The following ZFYVE16 variants were observed in gnomAD, a reference collection of about 807,000 sequenced individuals.
The protein encoded by ZFYVE16 is zinc finger FYVE-type containing 16.
ZFYVE16 carries 89 observed loss-of-function variants against 138.1 expected under a neutral mutation model. That is an observed-to-expected ratio of 0.64 (90% CI 0.54 to 0.77). The LOEUF is 0.77. ZFYVE16 is among the 30% of genes least tolerant of loss of function. The probability of loss-of-function intolerance (pLI) is 0.00; values close to 1 mark genes in which losing one functional copy is unlikely to be tolerated. For missense variants in ZFYVE16, 1,793 were observed against 1,786.7 expected (o/e 1.00, Z -0.06); for synonymous variants, 596 against 618.3 (o/e 0.96, Z 0.53).
At chr5:80,462,967 A>T (rs1379126434) in intron 15 of ZFYVE16, among the ~76,000 whole-genome samples, 1 of 152,234 alleles carries the variant, frequency 6.6e-6, no homozygotes, top group Non-Finnish European at 1.5e-5. Context: ...GTGGGCTTCT[A>T]CAGCCATGGG....
chr5:80,440,381 T>G, intron 5 of ZFYVE16: 1 of 998,530 alleles, frequency 1.0e-6, no homozygotes, highest in Non-Finnish European at 1.2e-6. Flanking sequence ...TACCTACCAA[T>G]AGTAGTACTC....
intron 6 of ZFYVE16, 76 bp downstream of exon 6, chr5:80,443,360 G>A (rs1209355837): frequency 1.3e-6 from 2 of 1,504,434 alleles, no homozygotes; most frequent in African/African-American, 2.9e-5. Context: ...CCAGAGTCTA[G>A]TCAGGAAAGA....
intron 6 of ZFYVE16, 137 bp from the exon 7 acceptor site, chr5:80,445,126 A>C: frequency 1.2e-6 from 1 of 865,026 alleles, no homozygotes; most frequent in Admixed American, 2.9e-5. Flanking sequence ...CCATTTCTCT[A>C]GATCTTTGTA....
chr5:80,439,483 A>G (rs1750412433), intron 4 of ZFYVE16, among the ~76,000 whole-genome samples: 1 of 152,202 alleles, frequency 6.6e-6, no homozygotes, highest in African/African-American at 2.4e-5. Flanking sequence ...CAGTCAAGAT[A>G]AAAAGATTGT....
rs183503017 is a variant in ZFYVE16, at chr5:80,413,153, G to A, written c.-94+5000G>A. 6.4e-3 allele frequency among the ~76,000 whole-genome samples: 971 copies of A among 150,932 alleles called. 8 individuals are homozygous for A. Among genetic ancestry groups the A allele is most frequent in the African/African-American group, 0.022 (896 of 41,072 alleles). ...ATCGTGCCACTGCAGTCCAACTTGC[G>A]CAACAGAGTGAGACCCTGTCTCAAA... On this transcript the variant is annotated intron_variant, in intron 1 of 18. Coordinates refer to ENST00000505560, the MANE Select transcript of ZFYVE16 (RefSeq NM_001284236.3).
intron 1 of ZFYVE16, among the ~76,000 whole-genome samples, chr5:80,408,646 G>A (rs758393873): frequency 2.3e-4 from 35 of 152,248 alleles, no homozygotes; most frequent in Non-Finnish European, 3.4e-4. Context: ...TTTTCTCTTG[G>A]TTAGAGACCA....
At chr5:80,445,909 T>A (rs1751288703) in intron 7 of ZFYVE16, among the ~76,000 whole-genome samples, 1 of 149,024 alleles carries the variant, frequency 6.7e-6, no homozygotes, top group Non-Finnish European at 1.5e-5. Flanking sequence ...ACCTTTTTTT[T>A]TTTTTTTTGA....
At chr5:80,428,649 A>G (rs1159364155) in intron 2 of ZFYVE16, among the ~76,000 whole-genome samples, 1 of 152,192 alleles carries the variant, frequency 6.6e-6, no homozygotes, top group African/African-American at 2.4e-5. Flanking sequence ...CAGACGACCA[A>G]ACTTCTCCGA....
At chr5:80,428,369 A>C (rs1748459750) in intron 2 of ZFYVE16, among the ~76,000 whole-genome samples, 1 of 152,148 alleles carries the variant, frequency 6.6e-6, no homozygotes, top group South Asian at 2.1e-4. Flanking sequence ...CCTCCAGCAA[A>C]CTCCAACAGA....
At position 80,452,400 on chromosome 5, in the gene ZFYVE16, T is replaced by A. The variant is rs531447754; in HGVS notation, c.3607+691T>A. 1.3e-4 allele frequency: 16 copies of A among 123,190 alleles called. No homozygotes were observed. The East Asian group carries it at 2.2e-3, about 17-fold the overall frequency. The allele number at this position is 123,190 out of a possible 1,614,324, so 7.6% of individuals were successfully genotyped here. The stretch of plus-strand genomic sequence containing the variant: ...AGTGAGCTAAGATCATGCCTCTGCA[T>A]TCCAGCCAGGGTGACAGAGCAAGAC... On this transcript the variant is annotated intron_variant, in intron 11 of 18. Coordinates refer to ENST00000505560, the MANE Select transcript of ZFYVE16 (RefSeq NM_001284236.3).
At chr5:80,424,705 A>G (rs969820188) in intron 1 of ZFYVE16, among the ~76,000 whole-genome samples, 11 of 152,052 alleles carry the variant, frequency 7.2e-5, no homozygotes, top group African/African-American at 2.7e-4. Flanking sequence ...CAAGCAGTTC[A>G]CCTGCCTTGG....
Position 80,456,519 on chromosome 5 carries a change from A to G in ZFYVE16, c.3749A>G (p.Glu1250Gly). The change falls in exon 13 of 19, where the codon GAA becomes GGA. Residue 1250 changes from glutamate to glycine, a missense_variant. Glu to Gly is a moderately conservative substitution (Grantham distance 98, BLOSUM62 -2). Around this residue, in one of 2 missense-constraint regions of ZFYVE16, gnomAD observed 498 missense variants for 582.4 expected, o/e 0.86. Transcript: ENST00000505560. The stretch of plus-strand genomic sequence containing the variant: ...ATAGATCAACTGTTGATTCATATGG[A>G]AATGGGAAAAAGCTGCATAAAAATA... ...HNIDQLLIHMEMGKSCIKIPR... is the reference protein window; with the variant it reads ...HNIDQLLIHMGMGKSCIKIPR... 6.2e-7 allele frequency: 1 copy of G among 1,613,196 alleles called. No individual in the cohort carries two copies. The highest frequency in any genetic ancestry group is 8.5e-7 in the Non-Finnish European group (1 of 1,179,524).
chr5:80,471,744 A>C (rs1438975112), intron 15 of ZFYVE16, among the ~76,000 whole-genome samples: 1 of 152,192 alleles, frequency 6.6e-6, no homozygotes, highest in East Asian at 1.9e-4. Flanking sequence ...TAGAAACTTT[A>C]GATTCTAAGT....
chr5:80,433,071 G>T (rs1055856724), intron 2 of ZFYVE16, among the ~76,000 whole-genome samples: 1 of 152,148 alleles, frequency 6.6e-6, no homozygotes, highest in Non-Finnish European at 1.5e-5. Flanking sequence ...ATTTGACCCA[G>T]CCATCCCATT....
intron 1 of ZFYVE16, chr5:80,411,728 T>G (rs1395338528): frequency 6.6e-6 from 1 of 152,328 alleles, no homozygotes; most frequent in Non-Finnish European, 1.5e-5. Flanking sequence ...TTCCAGATTC[T>G]TATATTCAGC....
intron 13 of ZFYVE16, 39 bp downstream of exon 13, chr5:80,456,604 C>A: frequency 6.5e-7 from 1 of 1,532,598 alleles, no homozygotes; most frequent in Non-Finnish European, 9.0e-7. Flanking sequence ...AATTATTGAA[C>A]ATTAGAGTTC....
At chr5:80,444,965 C>T (rs1251854293) in intron 6 of ZFYVE16, among the ~76,000 whole-genome samples, 4 of 152,020 alleles carry the variant, frequency 2.6e-5, no homozygotes, top group Non-Finnish European at 5.9e-5. Flanking sequence ...CAGAGTGATT[C>T]CCAGACCCAC....
chr5:80,435,360 G>A (rs1015725801), intron 3 of ZFYVE16, among the ~76,000 whole-genome samples: 1 of 152,104 alleles, frequency 6.6e-6, no homozygotes, highest in Non-Finnish European at 1.5e-5. Flanking sequence ...GTAGAGATGG[G>A]GTTTCACCAT....
At chr5:80,451,335 AAAT>A in intron 10 of ZFYVE16, 147 bp from the exon 11 acceptor site, 2 of 577,458 alleles carry the variant, frequency 3.5e-6, no homozygotes, top group Non-Finnish European at 5.9e-6. Flanking sequence ...ATAAGAAAAA[AAAT>A]CTATAGTGTC....
Sources: gnomAD v4.1 joint callset for allele counts (sites outside exome capture counted in the v4.1 genomes callset) on GRCh38, gnomAD v4.1.1 for gene constraint, gnomAD v4.1.1 regional missense constraint, MANE v1.5 for transcripts, NCBI Gene and HGNC (gene_info 2026-07-23, HGNC 2026-07-21) for gene names.